CFAP69: variants seen among roughly 807,000 people sequenced by gnomAD.
The protein encoded by CFAP69 is cilia- and flagella-associated protein 69.
Under a neutral mutation model 123.0 loss-of-function variants are expected in CFAP69, and 92 were observed. The observed-to-expected ratio is 0.75, with a 90% confidence interval of 0.63 to 0.89. CFAP69 has a LOEUF of 0.89. Among genes scored for constraint, CFAP69 ranks in the 40% least tolerant of loss-of-function variants. The pLI is 0.00. For synonymous variants in CFAP69, 380 were observed against 364.3 expected (o/e 1.04, Z -0.49); for missense variants, 1,067 against 1,096.9 (o/e 0.97, Z 0.39).
rs374142055 is a variant in CFAP69, at chr7:90,277,208, C to T, written c.1034-5C>T. On this transcript the variant is annotated splice_region_variant and splice_polypyrimidine_tract_variant and intron_variant, in intron 10 of 22. Coordinates refer to ENST00000389297, the MANE Select transcript of CFAP69 (RefSeq NM_001039706.3). ...AGCTTTCATTTTACTTTTTTTCCCT[C>T]ACAGTTAAAAGTCAAAATCTTTTGG... 8.3e-5 allele frequency: 132 copies of T among 1,581,512 alleles called. No individual in the cohort carries two copies. Among genetic ancestry groups the T allele is most frequent in the Non-Finnish European group, 1.1e-4 (124 of 1,168,924 alleles).
intron 16 of CFAP69, among the ~76,000 whole-genome samples, chr7:90,298,411 T>C (rs548280727): frequency 6.6e-6 from 1 of 152,244 alleles, no homozygotes; most frequent in Non-Finnish European, 1.5e-5. Context: ...CTGGAATCCA[T>C]AGTCAGGATG....
Position 90,245,483 on chromosome 7 carries a change from A to G in CFAP69, c.59A>G (p.Lys20Arg). The G allele has an allele frequency of 6.5e-7, 1 of 1,548,468 alleles. No homozygotes were observed. Among genetic ancestry groups the G allele is most frequent in the Non-Finnish European group, 8.7e-7 (1 of 1,150,456 alleles). Reference sequence around the variant, plus strand: ...GCCCAGGAATCCGGCATCAGGAACAAGTCTAGCAGTTCCAGTCAAATCCCG... The same window carrying G: ...GCCCAGGAATCCGGCATCAGGAACAGGTCTAGCAGTTCCAGTCAAATCCCG... Reference protein sequence around the residue: ...AEAQESGIRNKSSSSSQIPVV... With the variant: ...AEAQESGIRNRSSSSSQIPVV... The change falls in exon 1 of 23, where the codon AAG becomes AGG. Residue 20 changes from lysine (K) to arginine (R), a missense_variant. By Grantham distance (26) the Lys-to-Arg change is conservative. Transcript: ENST00000389297.
intron 2 of CFAP69, among the ~76,000 whole-genome samples, chr7:90,256,882 A>T (rs150972578): frequency 5.6e-4 from 85 of 152,358 alleles, no homozygotes; most frequent in Non-Finnish European, 1.1e-3. Flanking sequence ...TCAGTCATGG[A>T]AACACATCAC....
At chr7:90,259,962 T>A (rs1316124908) in intron 3 of CFAP69, among the ~76,000 whole-genome samples, 7 of 152,192 alleles carry the variant, frequency 4.6e-5, no homozygotes, top group Admixed American at 4.6e-4. Context: ...ACACTTTGAA[T>A]AGTATTCATC....
intron 18 of CFAP69, 109 bp from the exon 19 acceptor site, chr7:90,304,635 T>A: frequency 6.9e-7 from 1 of 1,445,728 alleles, no homozygotes; most frequent in Non-Finnish European, 9.0e-7. Context: ...GCATTTGTTT[T>A]TAGATAGGTA....
chr7:90,247,117 C>A (rs1156259992), intron 1 of CFAP69, among the ~76,000 whole-genome samples: 2 of 152,120 alleles, frequency 1.3e-5, no homozygotes, highest in Non-Finnish European at 2.9e-5. Flanking sequence ...AGAATAGGAA[C>A]TTTTTATAGC....
intron 13 of CFAP69, among the ~76,000 whole-genome samples, chr7:90,284,959 A>T (rs965283076): frequency 2.6e-5 from 4 of 152,212 alleles, no homozygotes; most frequent in African/African-American, 9.7e-5. Context: ...GTTATGTTTT[A>T]GGAAGAAGAA....
At position 90,307,125 on chromosome 7, in the gene CFAP69, A is replaced by G. The variant is rs11773110; in HGVS notation, c.2463+27A>G. The G allele has an allele frequency of 1.0e-3, 1,577 of 1,581,174 alleles. 4 individuals carry two copies. Among genetic ancestry groups the G allele is most frequent in the Non-Finnish European group, 1.3e-3 (1,465 of 1,158,166 alleles). On this transcript the variant is annotated intron_variant, in intron 20 of 22. Transcript: ENST00000389297. The stretch of plus-strand genomic sequence containing the variant: ...TAAGCTACATAGGTAGTGAGGAGGG[A>G]GAATGAAGATAGGTTGGTTAATGGG...
At chr7:90,299,468 T>G (rs770563404) in intron 16 of CFAP69, among the ~76,000 whole-genome samples, 7 of 152,116 alleles carry the variant, frequency 4.6e-5, no homozygotes, top group Non-Finnish European at 1.0e-4. Flanking sequence ...ACAGTTAGTA[T>G]GAATCTTTAC....
intron 15 of CFAP69, among the ~76,000 whole-genome samples, chr7:90,291,885 A>G (rs1021582241): frequency 2.6e-5 from 4 of 152,180 alleles, no homozygotes; most frequent in Non-Finnish European, 4.4e-5. Context: ...TCTGGTTTTC[A>G]CATTACCTAG....
intron 6 of CFAP69, among the ~76,000 whole-genome samples, chr7:90,271,325 C>G (rs1799919397): frequency 1.3e-5 from 2 of 152,070 alleles, no homozygotes; most frequent in African/African-American, 4.8e-5. Flanking sequence ...TGGCAAGAAA[C>G]CTTATAACCT....
At chr7:90,256,386 G>T (rs1797653875) in intron 2 of CFAP69, among the ~76,000 whole-genome samples, 1 of 152,090 alleles carries the variant, frequency 6.6e-6, no homozygotes. Context: ...CAGGGGATGG[G>T]GGACTATGGG....
rs770913244 is a variant in CFAP69, at chr7:90,297,843, A to G, written c.1857+13A>G. On this transcript the variant is annotated intron_variant, in intron 16 of 22. Coordinates refer to ENST00000389297, the MANE Select transcript of CFAP69 (RefSeq NM_001039706.3). ...GGATTTGTTAGCAGTAAGTATGGCT[A>G]TAACAATCATAAGACAAAAGACAAA... The G allele has an allele frequency of 1.0e-5, 16 of 1,528,104 alleles. No homozygotes were observed. The highest frequency in any genetic ancestry group is 2.9e-5 in the African/African-American group (2 of 69,970). 94.7% of individuals were successfully genotyped at this position (1,528,104 alleles called of 1,614,324 possible).
chr7:90,251,177 G>A (rs965680277), intron 1 of CFAP69, among the ~76,000 whole-genome samples: 9 of 152,150 alleles, frequency 5.9e-5, no homozygotes, highest in East Asian at 1.9e-4. Context: ...TTTATTCAGC[G>A]GTTGCTATAG....
chr7:90,261,250 T>C (rs1292154225), intron 3 of CFAP69, among the ~76,000 whole-genome samples: 1 of 152,158 alleles, frequency 6.6e-6, no homozygotes, highest in Admixed American at 6.5e-5. Context: ...GAATTTTGTA[T>C]TTTTAGTAGA....
intron 9 of CFAP69, among the ~76,000 whole-genome samples, chr7:90,275,655 G>T (rs1489511395): frequency 1.5e-5 from 2 of 130,310 alleles, no homozygotes; most frequent in African/African-American, 2.9e-5. Flanking sequence ...AGGCCGGAGT[G>T]CAGTGGCGCG....
At chr7:90,291,957 G>A (rs916181877) in intron 15 of CFAP69, among the ~76,000 whole-genome samples, 9 of 152,166 alleles carry the variant, frequency 5.9e-5, no homozygotes, top group South Asian at 2.1e-4. Flanking sequence ...AATGAGCAGC[G>A]TTAGCCTAAA....
At chr7:90,245,738 C>T (rs1796249090) in intron 1 of CFAP69, among the ~76,000 whole-genome samples, 194 bp downstream of exon 1, 1 of 152,170 alleles carries the variant, frequency 6.6e-6, no homozygotes, top group South Asian at 2.1e-4. Flanking sequence ...TTGCGAGGGG[C>T]TGGCTGTTGT....
chr7:90,317,648 A>T, the CFAP69 span: 1 of 152,274 alleles, frequency 6.6e-6, no homozygotes, highest in South Asian at 2.1e-4. Flanking sequence ...ATGTAATTTT[A>T]AGAGTGTTTA....
Sources: allele counts gnomAD v4.1 joint callset (sites outside exome capture counted in the v4.1 genomes callset), GRCh38; gene constraint gnomAD v4.1.1; transcripts MANE v1.5; gene names NCBI Gene and HGNC (gene_info 2026-07-23, HGNC 2026-07-21).